Variants in TPRA1 observed in about 807,000 individuals in gnomAD.
TPRA1 encodes transmembrane protein adipocyte associated 1.
Under a neutral mutation model 40.1 loss-of-function variants are expected in TPRA1, and 28 were observed. The observed-to-expected ratio is 0.70, with a 90% CI of 0.52 to 0.96. TPRA1 has a LOEUF of 0.96. TPRA1 is among the 40% of genes least tolerant of loss of function. The probability of loss-of-function intolerance (pLI) is 0.00; values close to 1 mark genes in which losing one functional copy is unlikely to be tolerated. For missense variants in TPRA1, 441 were observed against 482.6 expected, an observed-to-expected ratio of 0.91 and a Z score of 0.81; for synonymous variants, 219 against 209.7, an observed-to-expected ratio of 1.04 and a Z score of -0.38.
chr3:127,595,672 C>T (rs950907500), upstream of TPRA1: 2 of 152,230 alleles, frequency 1.3e-5, no homozygotes, highest in Non-Finnish European at 2.9e-5. Flanking sequence ...GTGGGCCGGA[C>T]CTCAGGACTC....
chr3:127,577,936 G>A (rs2073700706), intron 3 of TPRA1, among the ~76,000 whole-genome samples: 1 of 152,254 alleles, frequency 6.6e-6, no homozygotes, highest in Non-Finnish European at 1.5e-5. Context: ...CGGACAGCAT[G>A]CAAGCCTGGC....
rs751109202 is a variant in TPRA1 at position 127,576,855 on chromosome 3, G to A, written c.384C>T (p.Ile128=). 108 of 1,613,736 alleles carry A rather than the reference G, an allele frequency of 6.7e-5. No homozygotes were observed. The highest frequency in any genetic ancestry group is 1.6e-4 in the Middle Eastern group (1 of 6,084). ...WEITRFFLLA[I]ELSVIILGLA... ...GGCCCAGGATGATCACACTCAGCTC[G>A]ATGGCCAGCAGGAAGAAGCGGGTGA... Residue 128 remains isoleucine, a synonymous_variant, in exon 5 of 11, where the codon ATC becomes ATT. Transcript: ENST00000355552. The surrounding 1 kb of genome is among the most constrained non-coding windows in gnomAD (Gnocchi z 4.6).
At chr3:127,579,508 G>C (rs948516490) in intron 3 of TPRA1, among the ~76,000 whole-genome samples, 2 of 152,190 alleles carry the variant, frequency 1.3e-5, no homozygotes, top group Non-Finnish European at 2.9e-5. Flanking sequence ...CTGAGTTGTA[G>C]AGGCAGGATG....
At chr3:127,592,449 A>C (rs548573456), upstream of TPRA1, among the ~76,000 whole-genome samples, 1 of 137,472 alleles carries the variant, frequency 7.3e-6, no homozygotes, top group Non-Finnish European at 1.5e-5. Context: ...GCAGTGGCGC[A>C]ATCTCGGCTC....
At chr3:127,574,960 G>T in intron 10 of TPRA1, 1 of 585,924 alleles carries the variant, frequency 1.7e-6, no homozygotes, top group Non-Finnish European at 3.1e-6. Flanking sequence ...TTGTGCATCC[G>T]TGTGTGCATG....
Position 127,575,191 on chromosome 3 carries a change from A to C in TPRA1, c.848T>G (p.Phe283Cys), listed in dbSNP as rs1576365314. The C allele has an allele frequency of 3.7e-6, 6 of 1,613,840 alleles. No individual in the cohort carries two copies. The highest frequency in any genetic ancestry group is 5.1e-6 in the Non-Finnish European group (6 of 1,179,962). Residue 283 changes from phenylalanine to cysteine, a missense_variant, in exon 10 of 11, where the codon TTC (phenylalanine) becomes TGC (cysteine). By Grantham distance (205) the Phe-to-Cys change is radical. Transcript: ENST00000355552. ...PLIYVAFLRG[F>C]FGSEPKILFS... ...CCGGCGGCCACAGACTCACCCGAAG[A>C]AGCCCCGGAGGAAAGCCACGTAGAT...
At position 127,573,752 on chromosome 3, in the gene TPRA1, T is replaced by A; in HGVS notation, c.891A>T (p.Gln297His). 1.3e-6 allele frequency: 2 copies of A among 1,587,202 alleles called. No individual in the cohort carries two copies. Among genetic ancestry groups the A allele is most frequent in the Non-Finnish European group, 1.7e-6 (2 of 1,160,922 alleles). ...CATCTGGCTCCTCTGTCTCGTCCAC[T>A]TGGCATTTGTAGGAGAAGAGGATCT... is the stretch of plus-strand genomic sequence containing the variant. ...EPKILFSYKCQVDETEEPDVH... is the reference protein window; with the variant it reads ...EPKILFSYKCHVDETEEPDVH... The change falls in exon 11 of 11, where the codon CAA (glutamine) becomes CAT (histidine). Residue 297 changes from glutamine (Q) to histidine (H), a missense_variant. Coordinates refer to ENST00000355552, the MANE Select transcript of TPRA1 (RefSeq NM_001136053.4).
chr3:127,574,130 G>A (rs992321349), intron 10 of TPRA1, among the ~76,000 whole-genome samples: 4 of 152,184 alleles, frequency 2.6e-5, no homozygotes, highest in African/African-American at 7.2e-5. Flanking sequence ...TGTGGCCTCC[G>A]CCCCCACTCC....
rs999956065 is a variant in TPRA1 at position 127,590,429 on chromosome 3, T to TCAGGACCGG, written c.-46_-38dup. ...CCTTACCTGACAGCCCGGGCCGCGCTCAGGACCGGCCGCCCCGGCCGCCCC... is the reference window on the plus strand; with the variant it reads ...CCTTACCTGACAGCCCGGGCCGCGCTCAGGACCGGCAGGACCGGCCGCCCCGGCCGCCCC... On this transcript the variant is annotated 5_prime_UTR_variant, in exon 1 of 11. An upstream open reading frame in the 5' UTR loses its in-frame stop. Transcript: ENST00000355552. 2 of 149,108 alleles carry TCAGGACCGG rather than the reference T, an allele frequency of 1.3e-5. No homozygotes were observed. Among genetic ancestry groups the TCAGGACCGG allele is most frequent in the Admixed American group, 6.6e-5 (1 of 15,144 alleles). 9.2% of individuals were successfully genotyped at this position (149,108 alleles called of 1,614,324 possible). A position where few individuals can be genotyped will look rare whatever the true frequency, so the allele number is the denominator to read the frequency against.
intron 3 of TPRA1, among the ~76,000 whole-genome samples, chr3:127,579,085 G>A (rs1484178760): frequency 6.6e-6 from 1 of 152,188 alleles, no homozygotes; most frequent in Non-Finnish European, 1.5e-5. Flanking sequence ...TATACCAGGA[G>A]AGCCCACATT....
chr3:127,573,869 CA>C, intron 10 of TPRA1, 81 bp from the exon 11 acceptor site: 1 of 1,478,874 alleles, frequency 6.8e-7, no homozygotes. Flanking sequence ...ATGGGGCCAC[CA>C]GATAAGGAAG....
rs1446579650 is a variant in TPRA1 at position 127,575,873 on chromosome 3, C to G, written c.610-64G>C. 5 of 1,611,344 alleles carry G rather than the reference C, an allele frequency of 3.1e-6. No homozygotes were observed. In the African/African-American group the frequency reaches 6.7e-5, roughly 22 times the overall value. Reference sequence around the variant, plus strand: ...CCAGCCCAGACCCACAGCCAGAAACCCAGGAATCCAATCCCTACCTGGCCC... The same window carrying G: ...CCAGCCCAGACCCACAGCCAGAAACGCAGGAATCCAATCCCTACCTGGCCC... On this transcript the variant is annotated intron_variant, in intron 7 of 10. Coordinates refer to ENST00000355552, the MANE Select transcript of TPRA1 (RefSeq NM_001136053.4).
chr3:127,574,726 ACTCT>A (rs1253334363), intron 10 of TPRA1, among the ~76,000 whole-genome samples: 2 of 151,824 alleles, frequency 1.3e-5, no homozygotes, highest in Non-Finnish European at 1.5e-5. Context: ...GTGCATAGTC[ACTCT>A]CTCTCTCGTG....
At position 127,580,181 on chromosome 3, in the gene TPRA1, G is replaced by T. The variant is rs753757180; in HGVS notation, c.-17-18C>A. ...AGCCAGCCCTGGGGGAGTGAGAGCC[G>T]CCCAGTGAGCTGTGTGGCCTGGGCC... On this transcript the variant is annotated intron_variant, in intron 1 of 10. Transcript: ENST00000355552. 6.2e-7 allele frequency: 1 copy of T among 1,602,728 alleles called. No individual in the cohort carries two copies. The highest frequency in any genetic ancestry group is 1.3e-5 in the African/African-American group (1 of 74,964).
chr3:127,593,223 T>C (rs2074207455), upstream of TPRA1, among the ~76,000 whole-genome samples: 1 of 152,176 alleles, frequency 6.6e-6, no homozygotes, highest in Admixed American at 6.5e-5. Flanking sequence ...ATTAAATGAA[T>C]AGTAGCTTAA....
upstream of TPRA1, among the ~76,000 whole-genome samples, chr3:127,592,101 C>A (rs2074181632): frequency 6.6e-6 from 1 of 152,190 alleles, no homozygotes; most frequent in Non-Finnish European, 1.5e-5. Flanking sequence ...TCACGAATGA[C>A]CACAGCCACA....
At position 127,572,166 on chromosome 3, in the gene TPRA1, G is replaced by A. The variant is rs1284817904; in HGVS notation, c.*1355C>T. ...CCCTCCAGGCCCTCCCAGGGAGCCT[G>A]ACACATTGGCCCCACAGACATGAGC... is the stretch of plus-strand genomic sequence containing the variant. On this transcript the variant is annotated 3_prime_UTR_variant, in exon 11 of 11. Transcript: ENST00000355552. Among the ~76,000 whole-genome samples, 2 of 152,166 alleles carry A rather than the reference G, an allele frequency of 1.3e-5. No individual in the cohort carries two copies. Among genetic ancestry groups the A allele is most frequent in the African/African-American group, 4.8e-5 (2 of 41,440 alleles).
At chr3:127,574,902 G>A (rs2073529953) in intron 10 of TPRA1, 2 of 497,156 alleles carry the variant, frequency 4.0e-6, no homozygotes, top group African/African-American at 1.9e-5. Context: ...ATATGCCCGT[G>A]TGTATCCGTA....
At chr3:127,596,292 T>C (rs976324784) in intron 1 of TPRA1, among the ~76,000 whole-genome samples, 7 of 152,148 alleles carry the variant, frequency 4.6e-5, no homozygotes, top group Non-Finnish European at 1.0e-4. Flanking sequence ...TTGGTCAGGC[T>C]GGTCTTGAAC....
Sources: allele counts gnomAD v4.1 joint callset (sites outside exome capture counted in the v4.1 genomes callset), GRCh38; gene constraint gnomAD v4.1.1; non-coding constraint Gnocchi (gnomAD v3.1); transcripts MANE v1.5; gene names NCBI Gene and HGNC (gene_info 2026-07-23, HGNC 2026-07-21).